GRID2: variants seen among roughly 807,000 people sequenced by gnomAD.
The protein encoded by GRID2 is glutamate receptor ionotropic, delta-2.
In GRID2, 33 loss-of-function variants were observed where a neutral mutation model predicts 114.8. That is an observed-to-expected ratio of 0.29 (90% CI 0.22 to 0.38). The LOEUF is 0.38. Among genes scored for constraint, GRID2 ranks in the 10% least tolerant of loss-of-function variants. The pLI, the probability that GRID2 is intolerant of heterozygous loss-of-function variation, is 1.00. For synonymous variants in GRID2, 505 were observed against 449.9 expected (o/e 1.12, Z -1.55); for missense variants, 1,184 against 1,257.7 (o/e 0.94, Z 0.89).
chr4:92,908,647 A>G (rs1366344197), intron 2 of GRID2, among the ~76,000 whole-genome samples: 1 of 152,086 alleles, frequency 6.6e-6, no homozygotes, highest in African/African-American at 2.4e-5. Flanking sequence ...GCTAGATTCA[A>G]AATAAATTTT....
intron 1 of GRID2, among the ~76,000 whole-genome samples, chr4:92,422,209 A>G (rs1731941656): frequency 6.6e-6 from 1 of 151,992 alleles, no homozygotes; most frequent in Non-Finnish European, 1.5e-5. Flanking sequence ...GGTGGGAAAA[A>G]GCTTGGTGAT....
At chr4:92,756,348 G>A (rs1423077720) in intron 2 of GRID2, among the ~76,000 whole-genome samples, 3 of 151,822 alleles carry the variant, frequency 2.0e-5, no homozygotes, top group African/African-American at 4.8e-5. Context: ...ATCTCTTGAC[G>A]GACACTTAGT....
intron 14 of GRID2, among the ~76,000 whole-genome samples, chr4:93,768,160 C>T (rs543669660): frequency 3.9e-5 from 6 of 152,308 alleles, no homozygotes; most frequent in Admixed American, 3.9e-4. Context: ...AGCTATGGTG[C>T]ACCCGTGGCT....
At position 92,649,800 on chromosome 4, in the gene GRID2, T is replaced by C. The variant is rs189879497; in HGVS notation, c.244+59514T>C. Among the ~76,000 whole-genome samples the C allele has an allele frequency of 2.0e-4, 31 of 152,180 alleles. No homozygotes were observed. The East Asian group carries it at 5.2e-3, about 26-fold the overall frequency. Reference sequence around the variant, plus strand: ...CCTGGAGTAATTTTTACTCTTGATATCTCGTAACTTAGAAACTAGGATGTG... The same window carrying C: ...CCTGGAGTAATTTTTACTCTTGATACCTCGTAACTTAGAAACTAGGATGTG... On this transcript the variant is annotated intron_variant, in intron 2 of 15. Coordinates refer to ENST00000282020, the MANE Select transcript of GRID2 (RefSeq NM_001510.4).
At chr4:93,016,958 C>T (rs1401153046) in intron 2 of GRID2, among the ~76,000 whole-genome samples, 2 of 151,968 alleles carry the variant, frequency 1.3e-5, no homozygotes, top group African/African-American at 4.8e-5. Flanking sequence ...GCTTCTGTCA[C>T]GTTTTGGGGT....
chr4:92,573,591 G>A (rs1022433112), intron 1 of GRID2, among the ~76,000 whole-genome samples: 2 of 151,082 alleles, frequency 1.3e-5, no homozygotes, highest in Admixed American at 1.3e-4. Flanking sequence ...TTCAGGAGCA[G>A]GTTGTTCAAT....
At chr4:92,468,824 CGAA>C (rs1353304886) in intron 1 of GRID2, among the ~76,000 whole-genome samples, 3 of 152,152 alleles carry the variant, frequency 2.0e-5, no homozygotes, top group South Asian at 4.1e-4. Context: ...TGGACATGAA[CGAA>C]GAAGAAGATT....
chr4:93,109,272 C>T (rs1015992251), intron 3 of GRID2, among the ~76,000 whole-genome samples: 1 of 152,030 alleles, frequency 6.6e-6, no homozygotes, highest in Non-Finnish European at 1.5e-5. Context: ...CCTGAGTTTA[C>T]CACATAATTA....
intron 1 of GRID2, among the ~76,000 whole-genome samples, chr4:92,367,905 A>C (rs1183754299): frequency 6.6e-6 from 1 of 150,782 alleles, no homozygotes; most frequent in Non-Finnish European, 1.5e-5. Flanking sequence ...GATCTCTTGA[A>C]AATGAAAATT....
intron 2 of GRID2, among the ~76,000 whole-genome samples, chr4:92,859,862 G>T (rs550787857): frequency 6.6e-6 from 1 of 152,168 alleles, no homozygotes; most frequent in Admixed American, 6.5e-5. Context: ...TTCATTGTGG[G>T]CATTTGTTCT....
At chr4:92,836,020 A>G (rs1742428127) in intron 2 of GRID2, among the ~76,000 whole-genome samples, 1 of 152,164 alleles carries the variant, frequency 6.6e-6, no homozygotes, top group African/African-American at 2.4e-5. Flanking sequence ...TTTCATTTAT[A>G]TCAGAGGTCA....
chr4:93,620,613 T>C (rs1412369294), intron 13 of GRID2, among the ~76,000 whole-genome samples: 3 of 152,186 alleles, frequency 2.0e-5, no homozygotes, highest in African/African-American at 7.2e-5. Context: ...ATCCCTAACA[T>C]GTTGAGGAAC....
chr4:92,829,020 T>G (rs1052520615), intron 2 of GRID2, among the ~76,000 whole-genome samples: 1 of 152,176 alleles, frequency 6.6e-6, no homozygotes, highest in Non-Finnish European at 1.5e-5. Flanking sequence ...TTAGTTTAAT[T>G]AGATCCCATT....
At chr4:92,374,494 C>G (rs1289298117) in intron 1 of GRID2, among the ~76,000 whole-genome samples, 1 of 151,972 alleles carries the variant, frequency 6.6e-6, no homozygotes, top group Non-Finnish European at 1.5e-5. Flanking sequence ...CAAGGTGCAC[C>G]CTGACCACCT....
chr4:93,715,436 A>G (rs1414708112), intron 14 of GRID2, among the ~76,000 whole-genome samples: 1 of 152,112 alleles, frequency 6.6e-6, no homozygotes, highest in Non-Finnish European at 1.5e-5. Flanking sequence ...TTCCATATGA[A>G]TTTTCAAATA....
intron 2 of GRID2, among the ~76,000 whole-genome samples, chr4:92,618,615 A>G (rs995478333): frequency 6.6e-6 from 1 of 150,558 alleles, no homozygotes; most frequent in Non-Finnish European, 1.5e-5. Flanking sequence ...AGCAATATTA[A>G]CTCTTCCTAT....
chr4:92,790,765 C>G (rs1739547165), intron 2 of GRID2, among the ~76,000 whole-genome samples: 1 of 150,240 alleles, frequency 6.7e-6, no homozygotes, highest in African/African-American at 2.4e-5. Context: ...AACCTTTCTC[C>G]TCCTAAATCC....
At chr4:93,132,566 G>A (rs139601860) in intron 4 of GRID2, among the ~76,000 whole-genome samples, 13 of 152,278 alleles carry the variant, frequency 8.5e-5, no homozygotes, top group African/African-American at 2.6e-4. Flanking sequence ...TTAAGGGATG[G>A]AATTGGCTTA....
chr4:93,141,559 G>C (rs1560921699), intron 4 of GRID2, among the ~76,000 whole-genome samples: 1 of 150,228 alleles, frequency 6.7e-6, no homozygotes, highest in Admixed American at 6.6e-5. Flanking sequence ...TAAAGCTTTT[G>C]AAAAAAAAAG....
Sources: gnomAD v4.1 joint callset for allele counts (sites outside exome capture counted in the v4.1 genomes callset) on GRCh38, gnomAD v4.1.1 for gene constraint, MANE v1.5 for transcripts, NCBI Gene and HGNC (gene_info 2026-07-23, HGNC 2026-07-21) for gene names.